Variants in FBN1 observed in about 807,000 individuals in gnomAD.
FBN1 encodes the protein fibrillin-1.
FBN1 carries 29 observed loss-of-function variants against 365.1 expected under a neutral mutation model. That is an observed-to-expected ratio of 0.08 (90% CI 0.06 to 0.11). The LOEUF (loss-of-function observed/expected upper bound fraction) is 0.11. Ranked by LOEUF, FBN1 falls within the 10% of genes least tolerant of loss-of-function variation. The pLI is 1.00. For missense variants in FBN1, 2,476 were observed against 3,703.2 expected (o/e 0.67, Z 8.60); for synonymous variants, 1,210 against 1,270.5 (o/e 0.95, Z 1.01).
intron 36 of FBN1, among the ~76,000 whole-genome samples, chr15:48,469,883 T>G (rs1430272215): frequency 6.6e-6 from 1 of 151,928 alleles, no homozygotes; most frequent in Non-Finnish European, 1.5e-5. Flanking sequence ...TCCAGAGCAT[T>G]TGCAGGGTGG....
At chr15:48,469,998 T>A (rs1254652556) in intron 36 of FBN1, among the ~76,000 whole-genome samples, 1 of 152,138 alleles carries the variant, frequency 6.6e-6, no homozygotes, top group Non-Finnish European at 1.5e-5. Flanking sequence ...ACATAAGTTG[T>A]TTCTTCAGTA....
At chr15:48,528,340 A>C (rs1321402515) in intron 8 of FBN1, among the ~76,000 whole-genome samples, 1 of 152,198 alleles carries the variant, frequency 6.6e-6, no homozygotes, top group Non-Finnish European at 1.5e-5. Context: ...CCTTTATTGA[A>C]GATAACAATA....
chr15:48,481,544 G>A, intron 32 of FBN1, 111 bp downstream of exon 32: 1 of 1,163,660 alleles, frequency 8.6e-7, no homozygotes, highest in Non-Finnish European at 1.2e-6. Context: ...TATGCAAAAT[G>A]TTTTATAATA....
rs76951679 is a variant in FBN1 at position 48,508,546 on chromosome 15, C to T, written c.1837+36G>A. On this transcript the variant is annotated intron_variant, in intron 15 of 65. Transcript: ENST00000316623. ...AACAACATAAGGAGGAGAAAAGGCA[C>T]GTGAAGAACATGATCTAGGGTTTTA... 4.4e-3 allele frequency: 7,053 copies of T among 1,613,012 alleles called. 262 individuals carry two copies. The East Asian group carries it at 0.074, about 17-fold the overall frequency.
At chr15:48,493,297 G>A (rs1401493801) in intron 23 of FBN1, among the ~76,000 whole-genome samples, 1 of 151,892 alleles carries the variant, frequency 6.6e-6, no homozygotes, top group Non-Finnish European at 1.5e-5. Context: ...CAAAAGAAAG[G>A]CACTTACTTG....
In FBN1 at chr15:48,497,331, C is replaced by A; in HGVS notation, c.2228G>T (p.Arg743Leu). ...ICPNGICENL[R>L]GTYKCICNSG... The stretch of plus-strand genomic sequence containing the variant: ...ATTGCATATACATTTATAGGTCCCA[C>A]GAAGGTTTTCACAGATTCCATTTGG... Residue 743 changes from arginine to leucine, a missense_variant, in exon 19 of 66, where the codon CGT becomes CTT. Around this residue, in one of 5 missense-constraint regions of FBN1, gnomAD observed 1,780 missense variants for 2,840.8 expected, o/e 0.63. Transcript: ENST00000316623. 1 of 1,613,808 alleles carries A rather than the reference C, an allele frequency of 6.2e-7. No individual in the cohort carries two copies.
chr15:48,553,076 CAT>C (rs1211517054), intron 6 of FBN1, among the ~76,000 whole-genome samples: 18 of 152,322 alleles, frequency 1.2e-4, no homozygotes, highest in African/African-American at 4.3e-4. Context: ...TCATTACCAT[CAT>C]AAGATTACTG....
intron 4 of FBN1, among the ~76,000 whole-genome samples, chr15:48,602,761 G>A (rs985602666): frequency 5.9e-5 from 9 of 151,864 alleles, no homozygotes; most frequent in Admixed American, 3.3e-4. Context: ...CTGTCTATAC[G>A]TATACAAAGA....
chr15:48,465,751 C>T (rs1264819575), intron 39 of FBN1, 39 bp downstream of exon 39: 1 of 1,613,076 alleles, frequency 6.2e-7, no homozygotes. Context: ...CAAGGAAATT[C>T]AAGTTGTGTG....
intron 4 of FBN1, among the ~76,000 whole-genome samples, chr15:48,609,953 T>A (rs570965553): frequency 6.6e-6 from 1 of 152,340 alleles, no homozygotes; most frequent in Non-Finnish European, 1.5e-5. Context: ...AATGTTTTTC[T>A]TTAAAACTTT....
At chr15:48,582,773 G>A (rs889420106) in intron 6 of FBN1, among the ~76,000 whole-genome samples, 2 of 152,140 alleles carry the variant, frequency 1.3e-5, no homozygotes, top group Non-Finnish European at 2.9e-5. Context: ...GTTCATTAAC[G>A]TTTCTGGGGG....
chr15:48,598,410 T>C (rs1326336939), intron 5 of FBN1, among the ~76,000 whole-genome samples: 2 of 152,182 alleles, frequency 1.3e-5, no homozygotes, highest in Non-Finnish European at 2.9e-5. Flanking sequence ...GTTATTGATG[T>C]TGTTAGTGTT....
intron 6 of FBN1, among the ~76,000 whole-genome samples, chr15:48,587,260 T>C (rs1319371223): frequency 2.0e-5 from 3 of 152,206 alleles, no homozygotes; most frequent in Non-Finnish European, 4.4e-5. Flanking sequence ...GTACTCTCAG[T>C]TGGGCATATA....
At chr15:48,523,953 C>T (rs1472630554) in intron 9 of FBN1, among the ~76,000 whole-genome samples, 1 of 152,178 alleles carries the variant, frequency 6.6e-6, no homozygotes. Flanking sequence ...ACCCAGAAAT[C>T]ACATTATATC....
At chr15:48,524,554 A>G (rs2043891731) in intron 9 of FBN1, among the ~76,000 whole-genome samples, 1 of 152,188 alleles carries the variant, frequency 6.6e-6, no homozygotes, top group East Asian at 1.9e-4. Context: ...ACAAGTGTCT[A>G]ATTATGGGCA....
intron 5 of FBN1, among the ~76,000 whole-genome samples, chr15:48,598,492 C>T (rs1273438024): frequency 6.6e-6 from 1 of 152,160 alleles, no homozygotes; most frequent in Non-Finnish European, 1.5e-5. Context: ...ATAAAGGCAT[C>T]AAAACCTGGC....
At chr15:48,544,747 C>T (rs2044082133) in intron 6 of FBN1, among the ~76,000 whole-genome samples, 1 of 152,108 alleles carries the variant, frequency 6.6e-6, no homozygotes, top group Admixed American at 6.6e-5. Flanking sequence ...AAAAGAATAT[C>T]TCATTTTGAA....
At chr15:48,539,931 T>C (rs2044045235) in intron 6 of FBN1, among the ~76,000 whole-genome samples, 1 of 152,250 alleles carries the variant, frequency 6.6e-6, no homozygotes, top group African/African-American at 2.4e-5. Context: ...CTTCCACAGA[T>C]ACTGAATTCA....
intron 53 of FBN1, among the ~76,000 whole-genome samples, chr15:48,435,228 T>A (rs866041618): frequency 6.6e-6 from 1 of 152,132 alleles, no homozygotes; most frequent in Non-Finnish European, 1.5e-5. Context: ...TGACAGTGCC[T>A]GGACATATAG....
Sources: allele counts gnomAD v4.1 joint callset (sites outside exome capture counted in the v4.1 genomes callset), GRCh38; gene constraint gnomAD v4.1.1; regional missense constraint gnomAD v4.1.1; transcripts MANE v1.5; gene names NCBI Gene and HGNC (gene_info 2026-07-23, HGNC 2026-07-21).